PCDHGA6: variants seen among roughly 807,000 people sequenced by gnomAD.
PCDHGA6 encodes protocadherin gamma-A6.
PCDHGA6 carries 41 observed loss-of-function variants against 60.6 expected under a neutral mutation model. That is an observed-to-expected ratio of 0.68 (90% CI 0.53 to 0.88). The LOEUF is 0.88. PCDHGA6 is among the 40% of genes least tolerant of loss of function. PCDHGA6 has a pLI of 0.00. For synonymous variants in PCDHGA6, 594 were observed against 524.4 expected (o/e 1.13, Z -1.81); for missense variants, 1,312 against 1,203.0 (o/e 1.09, Z -1.34).
intron 1 of PCDHGA6, chr5:141,398,400 C>T: frequency 6.8e-7 from 1 of 1,465,224 alleles, no homozygotes; most frequent in Non-Finnish European, 9.5e-7. Context: ...GCAGGCTAGA[C>T]AGGGAGGAGA....
At chr5:141,470,383 G>A (rs569789033) in intron 1 of PCDHGA6, among the ~76,000 whole-genome samples, 7 of 152,246 alleles carry the variant, frequency 4.6e-5, no homozygotes, top group South Asian at 2.1e-4. Context: ...AAGACTACTC[G>A]ATGATATTTA....
intron 3 of PCDHGA6, among the ~76,000 whole-genome samples, chr5:141,508,624 G>A (rs552418899): frequency 3.3e-5 from 5 of 152,256 alleles, no homozygotes; most frequent in African/African-American, 9.6e-5. Context: ...TGGGTGGGCC[G>A]AGCTTCTAGC....
intron 1 of PCDHGA6, among the ~76,000 whole-genome samples, chr5:141,494,338 ACAG>A (rs2099753688): frequency 6.6e-6 from 1 of 152,224 alleles, no homozygotes; most frequent in African/African-American, 2.4e-5. Flanking sequence ...GTTACCAAGA[ACAG>A]CAGCCATCTT....
At position 141,431,569 on chromosome 5, in the gene PCDHGA6, CGAA is replaced by C. The variant is rs780392922; in HGVS notation, c.2424+55064_2424+55066del. The C allele has an allele frequency of 1.9e-6, 3 of 1,614,000 alleles. No homozygotes were observed. The highest frequency in any genetic ancestry group is 2.7e-5 in the African/African-American group (2 of 74,932). ...TTGTAGTCAACGCTACCGACCCTGA[CGAA>C]GGAGTCAATGCGGAAGTGAGGTATT... On this transcript the variant is annotated intron_variant, in intron 1 of 3. Transcript: ENST00000517434. This position sits in a 1 kb window ranked among gnomAD's most constrained non-coding sequence, Gnocchi z 4.8.
chr5:141,421,709 C>T, intron 1 of PCDHGA6: 1 of 1,613,926 alleles, frequency 6.2e-7, no homozygotes, highest in Non-Finnish European at 8.5e-7. Flanking sequence ...GCTAGGGATC[C>T]AGATGTGGGC....
chr5:141,413,358 G>C, intron 1 of PCDHGA6: 1 of 1,613,972 alleles, frequency 6.2e-7, no homozygotes, highest in Non-Finnish European at 8.5e-7. Flanking sequence ...TGGCGCCCCG[G>C]GAGCTGGCGG....
chr5:141,431,068 A>G lies in PCDHGA6; in HGVS notation c.2424+54561A>G. 2 of 1,614,218 alleles carry G rather than the reference A, an allele frequency of 1.2e-6. No individual in the cohort carries two copies. Among genetic ancestry groups the G allele is most frequent in the South Asian group, 1.1e-5 (1 of 91,088 alleles). On this transcript the variant is annotated intron_variant, in intron 1 of 3. Coordinates refer to ENST00000517434, the MANE Select transcript of PCDHGA6 (RefSeq NM_018919.3). The surrounding 1 kb of genome is among the most constrained non-coding windows in gnomAD (Gnocchi z 4.8). ...TCTGTATGGGGGCCATCAAGTGTCA[A>G]TTAAATCTAGACATTCTGATGGAGG...
At chr5:141,417,129 T>C (rs887933624) in intron 1 of PCDHGA6, 2 of 152,218 alleles carry the variant, frequency 1.3e-5, no homozygotes, top group South Asian at 2.1e-4. Context: ...TGGATGATGG[T>C]AATGACTAGG....
chr5:141,388,779 A>C lies in PCDHGA6; in HGVS notation c.2424+12272A>C, dbSNP rs2091486135. The C allele has an allele frequency of 4.3e-6, 7 of 1,613,974 alleles. No individual in the cohort carries two copies. In the East Asian group the frequency reaches 1.6e-4, roughly 36 times the overall value. On this transcript the variant is annotated intron_variant, in intron 1 of 3. Coordinates refer to ENST00000517434, the MANE Select transcript of PCDHGA6 (RefSeq NM_018919.3). ...TGACCTGAACTCTAACACCGGGGAAATTACTGTTTTAAATACATTAGATTT... is the reference window on the plus strand; with the variant it reads ...TGACCTGAACTCTAACACCGGGGAACTTACTGTTTTAAATACATTAGATTT...
In PCDHGA6 at chr5:141,431,620, G is replaced by T; in HGVS notation, c.2424+55113G>T. 6.2e-7 allele frequency: 1 copy of T among 1,614,232 alleles called. No individual in the cohort carries two copies. The highest frequency in any genetic ancestry group is 8.5e-7 in the Non-Finnish European group (1 of 1,180,050). Reference sequence around the variant, plus strand: ...ATTCCTTCCGGTATGTGGACGACAAGGCGGCCCAAGTTTTCAAACTAGATT... The same window carrying T: ...ATTCCTTCCGGTATGTGGACGACAATGCGGCCCAAGTTTTCAAACTAGATT... On this transcript the variant is annotated intron_variant, in intron 1 of 3. Transcript: ENST00000517434. The surrounding 1 kb of genome is among the most constrained non-coding windows in gnomAD (Gnocchi z 4.8).
chr5:141,497,312 G>A (rs940721317), intron 2 of PCDHGA6, among the ~76,000 whole-genome samples: 7 of 152,038 alleles, frequency 4.6e-5, no homozygotes, highest in African/African-American at 1.7e-4. Flanking sequence ...CCATACACTG[G>A]CTTTGAAGCA....
chr5:141,418,914 T>C (rs1200050684), intron 1 of PCDHGA6: 4 of 1,613,964 alleles, frequency 2.5e-6, no homozygotes, highest in East Asian at 2.2e-5. Context: ...ATCACGTCAC[T>C]CTCTGATCAG....
At chr5:141,407,505 T>TTTTTTTTTTTTTTTTTTTTTTGAG (rs1460306566) in intron 1 of PCDHGA6, among the ~76,000 whole-genome samples, 1 of 152,148 alleles carries the variant, frequency 6.6e-6, no homozygotes, top group African/African-American at 2.4e-5. Context: ...CTGTTTTTCT[T>TTTTTTTTTTTTTTTTTTTTTTGAG]AGGCTATGTA....
intron 1 of PCDHGA6, chr5:141,399,627 C>T (rs751717107): frequency 1.2e-6 from 2 of 1,613,906 alleles, no homozygotes; most frequent in Non-Finnish European, 1.7e-6. Context: ...TGGCCTCTTA[C>T]GTGTCCATGA....
intron 1 of PCDHGA6, among the ~76,000 whole-genome samples, chr5:141,406,668 G>A (rs1415631899): frequency 3.3e-5 from 5 of 152,122 alleles, no homozygotes; most frequent in African/African-American, 7.2e-5. Flanking sequence ...TTAAATTATG[G>A]AGAATAGTAG....
At chr5:141,454,871 G>A (rs1337911223) in intron 1 of PCDHGA6, among the ~76,000 whole-genome samples, 2 of 129,030 alleles carry the variant, frequency 1.6e-5, no homozygotes, top group Non-Finnish European at 3.1e-5. Context: ...GCAGTGGCAC[G>A]ATCTTGGCTC....
chr5:141,387,765 T>C, intron 1 of PCDHGA6: 1 of 1,431,622 alleles, frequency 7.0e-7, no homozygotes, highest in East Asian at 2.5e-5. Flanking sequence ...AAAAGAAGAA[T>C]TTTTTCTTGA....
chr5:141,389,832 C>G (rs758113562), intron 1 of PCDHGA6: 1 of 1,613,966 alleles, frequency 6.2e-7, no homozygotes, highest in Admixed American at 1.7e-5. Context: ...CGGTGGACAG[C>G]CACCACTCTC....
intron 1 of PCDHGA6, among the ~76,000 whole-genome samples, chr5:141,457,920 C>T (rs1340816332): frequency 6.6e-6 from 1 of 150,868 alleles, no homozygotes; most frequent in Non-Finnish European, 1.5e-5. Flanking sequence ...GCCAGTTCTC[C>T]CCAAGGGGCT....
Sources: gnomAD v4.1 joint callset for allele counts (sites outside exome capture counted in the v4.1 genomes callset) on GRCh38, gnomAD v4.1.1 for gene constraint, Gnocchi (gnomAD v3.1) non-coding constraint, MANE v1.5 for transcripts, NCBI Gene and HGNC (gene_info 2026-07-23, HGNC 2026-07-21) for gene names.